The following SYT1 variants were observed in gnomAD, a reference collection of about 807,000 sequenced individuals.
SYT1 encodes synaptotagmin 1.
In SYT1, 8 loss-of-function variants were observed where a neutral mutation model predicts 44.8. The ratio of observed to expected loss-of-function variants is 0.18; its 90% CI spans 0.10 to 0.32. The LOEUF (loss-of-function observed/expected upper bound fraction) is 0.32, where lower values mean the gene tolerates loss of function less well. Among genes scored for constraint, SYT1 ranks in the 10% least tolerant of loss-of-function variants. The pLI is 1.00. For missense variants in SYT1, 286 were observed against 509.3 expected (o/e 0.56, Z 4.22); for synonymous variants, 154 against 188.8 (o/e 0.82, Z 1.51).
chr12:78,938,783 T>C (rs1282247467), intron 1 of SYT1, among the ~76,000 whole-genome samples: 1 of 152,182 alleles, frequency 6.6e-6, no homozygotes, highest in Non-Finnish European at 1.5e-5. Flanking sequence ...CTCTGTACAG[T>C]AACACTAAAG....
At chr12:79,265,016 T>C (rs1878047326) in intron 4 of SYT1, among the ~76,000 whole-genome samples, 1 of 152,172 alleles carries the variant, frequency 6.6e-6, no homozygotes, top group African/African-American at 2.4e-5. Flanking sequence ...TAAAATTGCT[T>C]GTATTTCATC....
chr12:79,170,725 T>C (rs1397741731), intron 3 of SYT1, among the ~76,000 whole-genome samples: 1 of 152,162 alleles, frequency 6.6e-6, no homozygotes, highest in Non-Finnish European at 1.5e-5. Flanking sequence ...TTGTCAATTT[T>C]TACATTTGTT....
chr12:79,270,554 T>C (rs1878368698), intron 4 of SYT1, among the ~76,000 whole-genome samples: 1 of 152,178 alleles, frequency 6.6e-6, no homozygotes, highest in Admixed American at 6.5e-5. Context: ...GAAAAAGATA[T>C]GGATTTAAGG....
chr12:79,142,752 A>G (rs1869640455), intron 3 of SYT1, among the ~76,000 whole-genome samples: 2 of 152,240 alleles, frequency 1.3e-5, no homozygotes, highest in Non-Finnish European at 2.9e-5. Context: ...ATTGCTTTTA[A>G]TCACTGGAGA....
intron 1 of SYT1, among the ~76,000 whole-genome samples, chr12:78,966,957 C>G (rs1448160812): frequency 1.3e-5 from 2 of 151,966 alleles, no homozygotes; most frequent in Non-Finnish European, 2.9e-5. Context: ...AAACTAAATA[C>G]CAGAGGTATA....
At chr12:78,969,900 C>T (rs1418288065) in intron 1 of SYT1, among the ~76,000 whole-genome samples, 2 of 151,932 alleles carry the variant, frequency 1.3e-5, no homozygotes, top group Non-Finnish European at 2.9e-5. Flanking sequence ...AAGTAAAGGC[C>T]CAGGATTCGA....
At position 79,237,144 on chromosome 12, in the gene SYT1, G is replaced by A. The variant is rs1447878935; in HGVS notation, c.166+19459G>A. Among the ~76,000 whole-genome samples the A allele has an allele frequency of 2.0e-5, 3 of 152,188 alleles. No homozygotes were observed. In the East Asian group the frequency reaches 5.8e-4, roughly 29 times the overall value. ...TGCTAGCAAAAGCGCAGATGTGACA[G>A]ACTCTGTGAACATGCTGTTGACAGG... On this transcript the variant is annotated intron_variant, in intron 4 of 10. Transcript: ENST00000261205.
intron 4 of SYT1, among the ~76,000 whole-genome samples, chr12:79,220,840 T>C (rs981211043): frequency 2.6e-5 from 4 of 152,198 alleles, no homozygotes; most frequent in African/African-American, 9.6e-5. Context: ...ACTTATTTTG[T>C]GGCCTCACAT....
intron 2 of SYT1, among the ~76,000 whole-genome samples, chr12:79,021,242 A>G (rs772807988): frequency 1.7e-4 from 26 of 151,942 alleles, no homozygotes; most frequent in Non-Finnish European, 3.2e-4. Flanking sequence ...CTAGGAGACA[A>G]CTGAGTTATA....
At chr12:78,868,008 G>T (rs1295314646) in intron 1 of SYT1, among the ~76,000 whole-genome samples, 2 of 151,796 alleles carry the variant, frequency 1.3e-5, no homozygotes, top group African/African-American at 4.8e-5. Context: ...CATCACTTTT[G>T]ATGTCAGTAT....
At chr12:79,048,870 C>A (rs901905290) in intron 3 of SYT1, among the ~76,000 whole-genome samples, 1 of 151,770 alleles carries the variant, frequency 6.6e-6, no homozygotes, top group Admixed American at 6.6e-5. Context: ...CATCTTAATA[C>A]CCTAACATAG....
At chr12:78,881,226 T>C (rs1874436814) in intron 1 of SYT1, among the ~76,000 whole-genome samples, 1 of 151,650 alleles carries the variant, frequency 6.6e-6, no homozygotes, top group Non-Finnish European at 1.5e-5. Flanking sequence ...TCCCTCTCCA[T>C]GAACAACTGC....
intron 1 of SYT1, among the ~76,000 whole-genome samples, chr12:78,926,156 G>T (rs75015574): frequency 0.012 from 1,816 of 152,154 alleles, 32 homozygotes; most frequent in African/African-American, 0.042. Flanking sequence ...CATGTCTGAA[G>T]AAATGAGCAG....
At chr12:79,444,238 C>A in intron 10 of SYT1, 32 bp downstream of exon 10, 1 of 1,610,472 alleles carries the variant, frequency 6.2e-7, no homozygotes, top group South Asian at 1.1e-5. Context: ...TCTTCCCACT[C>A]AATTTCATTC....
intron 3 of SYT1, among the ~76,000 whole-genome samples, chr12:79,169,293 TA>T (rs1429510598): frequency 6.6e-6 from 1 of 152,038 alleles, no homozygotes; most frequent in Non-Finnish European, 1.5e-5. Flanking sequence ...TAAACTGCAT[TA>T]AATGTACTAC....
intron 9 of SYT1, among the ~76,000 whole-genome samples, chr12:79,412,418 C>T (rs1412103993): frequency 6.6e-6 from 1 of 152,178 alleles, no homozygotes; most frequent in Middle Eastern, 3.2e-3. Flanking sequence ...GAGATCTTAT[C>T]AGGAAGCTGA....
At chr12:79,104,929 C>T (rs189635770) in intron 3 of SYT1, among the ~76,000 whole-genome samples, 5 of 152,002 alleles carry the variant, frequency 3.3e-5, no homozygotes, top group Admixed American at 6.6e-5. Flanking sequence ...TTAGAGATTC[C>T]GAGATTGAAA....
intron 9 of SYT1, among the ~76,000 whole-genome samples, chr12:79,381,268 C>A (rs574529400): frequency 6.6e-6 from 1 of 152,294 alleles, no homozygotes; most frequent in South Asian, 2.1e-4. Context: ...GTAACACATT[C>A]TTTCTTCAAA....
chr12:79,059,626 C>A lies in SYT1; in HGVS notation c.-18+12264C>A, dbSNP rs776606178. On this transcript the variant is annotated intron_variant, in intron 3 of 10. Transcript: ENST00000261205. ...AAATGTTTTCAGTAATAACTCCATG[C>A]ACAATGATCAAACAAATGCTGTACT... 4.6e-5 allele frequency among the ~76,000 whole-genome samples: 7 copies of A among 152,166 alleles called. No homozygotes were observed. In the South Asian group the frequency reaches 1.5e-3, roughly 32 times the overall value.
Sources: gnomAD v4.1 joint callset for allele counts (sites outside exome capture counted in the v4.1 genomes callset) on GRCh38, gnomAD v4.1.1 for gene constraint, MANE v1.5 for transcripts, NCBI Gene and HGNC (gene_info 2026-07-23, HGNC 2026-07-21) for gene names.